The following SETDB1 variants were observed in gnomAD, a reference collection of about 807,000 sequenced individuals.
SETDB1 encodes SET domain bifurcated histone lysine methyltransferase 1, also known as histone-lysine N-methyltransferase SETDB1.
SETDB1 carries 31 observed loss-of-function variants against 137.4 expected under a neutral mutation model. That is an observed-to-expected ratio of 0.23 (90% CI 0.17 to 0.30). The LOEUF is 0.30. Ranked by LOEUF, SETDB1 falls within the 10% of genes least tolerant of loss-of-function variation. The pLI, the probability that SETDB1 is intolerant of heterozygous loss-of-function variation, is 1.00. For missense variants in SETDB1, 1,113 were observed against 1,631.5 expected, an observed-to-expected ratio of 0.68 and a Z score of 5.47; for synonymous variants, 548 against 579.9, an observed-to-expected ratio of 0.95 and a Z score of 0.79.
At chr1:150,947,791 C>G (rs1670373375) in intron 10 of SETDB1, among the ~76,000 whole-genome samples, 1 of 152,156 alleles carries the variant, frequency 6.6e-6, no homozygotes, top group East Asian at 1.9e-4. Context: ...AAACAAAAAA[C>G]AGATTTGGTT....
At chr1:150,963,385 T>C in intron 19 of SETDB1, 145 bp from the exon 20 acceptor site, 2 of 832,496 alleles carry the variant, frequency 2.4e-6, no homozygotes, top group Non-Finnish European at 3.9e-6. Context: ...AAAAAAAACC[T>C]GCTACTTAGG....
At chr1:150,952,471 A>G (rs1380117917) in intron 14 of SETDB1, among the ~76,000 whole-genome samples, 1 of 151,994 alleles carries the variant, frequency 6.6e-6, no homozygotes, top group East Asian at 1.9e-4. Context: ...ATCAAGGACA[A>G]TTCCTAAATT....
At chr1:150,947,918 T>C (rs587730196) in intron 10 of SETDB1, among the ~76,000 whole-genome samples, 24 of 152,230 alleles carry the variant, frequency 1.6e-4, no homozygotes, top group African/African-American at 5.8e-4. Flanking sequence ...AGGTAAATCA[T>C]CTGAGATAGG....
At chr1:150,962,757 A>C (rs1670863937) in intron 18 of SETDB1, 38 bp downstream of exon 18, 1 of 1,604,418 alleles carries the variant, frequency 6.2e-7, no homozygotes, top group Non-Finnish European at 8.5e-7. Flanking sequence ...CTAATAAAGG[A>C]AAATGGGCCA....
chr1:150,947,885 TTTC>T (rs1670375963), intron 10 of SETDB1, among the ~76,000 whole-genome samples: 1 of 152,148 alleles, frequency 6.6e-6, no homozygotes, highest in Non-Finnish European at 1.5e-5. Context: ...TCTGAAAATA[TTTC>T]CCCAAAGTAT....
At chr1:150,958,755 TGTTA>T (rs1193042968) in intron 14 of SETDB1, among the ~76,000 whole-genome samples, 2 of 152,132 alleles carry the variant, frequency 1.3e-5, no homozygotes, top group African/African-American at 2.4e-5. Context: ...TTTTTGCTGT[TGTTA>T]GTAAGAAACC....
Position 150,944,006 on chromosome 1 carries a change from C to T in SETDB1, c.949+13C>T, listed in dbSNP as rs776177792. 1 of 1,579,634 alleles carries T rather than the reference C, an allele frequency of 6.3e-7. No individual in the cohort carries two copies. Among genetic ancestry groups the T allele is most frequent in the Non-Finnish European group, 8.7e-7 (1 of 1,148,696 alleles). ...ATTTGCCGGCCACGTGAGTGTTTCT[C>T]CCTTATTCCTTAGCTCAGTTTTCTC... On this transcript the variant is annotated intron_variant, in intron 8 of 21. Transcript: ENST00000692827.
chr1:150,930,194 T>C, intron 3 of SETDB1, 76 bp downstream of exon 3: 3 of 1,301,412 alleles, frequency 2.3e-6, no homozygotes, highest in Non-Finnish European at 3.2e-6. Context: ...TAGAAGATAA[T>C]AGAAGAGAGG....
intron 3 of SETDB1, among the ~76,000 whole-genome samples, chr1:150,932,960 G>T (rs1245378014): frequency 6.6e-6 from 1 of 151,760 alleles, no homozygotes; most frequent in Non-Finnish European, 1.5e-5. Context: ...CTAAATATTT[G>T]GGGTTTTTTT....
chr1:150,928,143 C>T (rs888279862), intron 2 of SETDB1, 169 bp downstream of exon 2: 8 of 699,884 alleles, frequency 1.1e-5, no homozygotes, highest in Middle Eastern at 4.1e-4. Context: ...CTGCAACCTC[C>T]ACCTCTCGGG....
chr1:150,927,103 C>T lies in SETDB1; in HGVS notation c.-12+586C>T, dbSNP rs587648504. ...CAAAAATATCTTATAGATTGGTTCT[C>T]TTCAGTATCCCAAAAGATTATTTTT... On this transcript the variant is annotated intron_variant, in intron 1 of 21. Coordinates refer to ENST00000692827, the MANE Select transcript of SETDB1 (RefSeq NM_001366418.1). 8.2e-4 allele frequency among the ~76,000 whole-genome samples: 125 copies of T among 152,218 alleles called. 1 individual carries two copies. Among genetic ancestry groups the T allele is most frequent in the African/African-American group, 3.0e-3 (123 of 41,522 alleles).
chr1:150,927,722 C>T lies in SETDB1; in HGVS notation c.8C>T (p.Ser3Phe), dbSNP rs761509888. MS[S>F]LPGCIGLDAA... ...CATGCAGAGGACAAAAGCATGTCTTCCCTTCCTGGGTGCATTGGTTTGGAT... is the reference window on the plus strand; with the variant it reads ...CATGCAGAGGACAAAAGCATGTCTTTCCTTCCTGGGTGCATTGGTTTGGAT... Residue 3 changes from serine (S) to phenylalanine (F), a missense_variant, in exon 2 of 22, where the codon TCC (serine) becomes TTC (phenylalanine). Coordinates refer to ENST00000692827, the MANE Select transcript of SETDB1 (RefSeq NM_001366418.1). The T allele has an allele frequency of 1.9e-6, 3 of 1,613,770 alleles. No individual in the cohort carries two copies. Among genetic ancestry groups the T allele is most frequent in the African/African-American group, 2.7e-5 (2 of 74,926 alleles).
rs587693713 is a variant in SETDB1 at position 150,964,681 on chromosome 1, T to G, written c.*317T>G. 3.4e-5 allele frequency: 20 copies of G among 596,660 alleles called. No individual in the cohort carries two copies. In the East Asian group the frequency reaches 5.5e-4, roughly 16 times the overall value. The allele number at this position is 596,660 out of a possible 1,614,324, so 37.0% of individuals were successfully genotyped here. ...GTTCTTAGAATGGAGCCTGTGTATC[T>G]ACTATCTCCAGTTTGTATTATTTCT... On this transcript the variant is annotated 3_prime_UTR_variant, in exon 22 of 22. Transcript: ENST00000692827.
chr1:150,956,929 A>G lies in SETDB1; in HGVS notation c.2334-2249A>G, dbSNP rs587614785. Among the ~76,000 whole-genome samples the G allele has an allele frequency of 5.3e-5, 8 of 152,264 alleles. No homozygotes were observed. The South Asian group carries it at 1.5e-3, about 28-fold the overall frequency. ...CAGTAGTTCCAGACTTGCCTGGGCA[A>G]TGTGATGAGACCTTGTCTCTACAAA... On this transcript the variant is annotated intron_variant, in intron 14 of 21. Transcript: ENST00000692827.
intron 9 of SETDB1, 125 bp from the exon 10 acceptor site, chr1:150,946,761 A>G: frequency 8.9e-7 from 1 of 1,117,854 alleles, no homozygotes; most frequent in Non-Finnish European, 1.3e-6. Flanking sequence ...AGCTTAGACT[A>G]AGGAATTTAA....
chr1:150,955,985 A>G (rs1670625197), intron 14 of SETDB1, among the ~76,000 whole-genome samples: 1 of 151,664 alleles, frequency 6.6e-6, no homozygotes, highest in African/African-American at 2.4e-5. Flanking sequence ...CTAGCTACTC[A>G]GGAGGCTGAG....
In SETDB1 at chr1:150,929,985, G is replaced by A; in HGVS notation, c.279G>A (p.Glu93=). 1 of 1,613,724 alleles carries A rather than the reference G, an allele frequency of 6.2e-7. No individual in the cohort carries two copies. The highest frequency in any genetic ancestry group is 1.1e-5 in the South Asian group (1 of 91,012). The change falls in exon 3 of 22, where the codon GAG becomes GAA. Residue 93 remains glutamate, a synonymous_variant. Transcript: ENST00000692827. The part of the protein sequence containing the change: ...DDASRAVTNC[E]SLVKDFYSKL... ...ATATTAGGGCAGTGACTAATTGTGA[G>A]TCTTTGGTGAAGGACTTCTACTCCA...
intron 14 of SETDB1, among the ~76,000 whole-genome samples, chr1:150,955,090 T>G (rs141208766): frequency 1.3e-3 from 205 of 152,362 alleles, no homozygotes; most frequent in Non-Finnish European, 2.2e-3. Flanking sequence ...AGGATGAATT[T>G]GTACTGATAA....
chr1:150,963,454 G>GTAGAATGTCCATTCATGA, intron 19 of SETDB1, 76 bp from the exon 20 acceptor site: 1 of 1,201,104 alleles, frequency 8.3e-7, no homozygotes, highest in African/African-American at 1.5e-5. Flanking sequence ...AGAAATAGGG[G>GTAGAATGTCCATTCATGA]TAGAATGTCC....
Sources: allele counts gnomAD v4.1 joint callset (sites outside exome capture counted in the v4.1 genomes callset), GRCh38; gene constraint gnomAD v4.1.1; transcripts MANE v1.5; gene names NCBI Gene and HGNC (gene_info 2026-07-23, HGNC 2026-07-21).